GOLGA5: variants seen among roughly 807,000 people sequenced by gnomAD.
GOLGA5 encodes the protein golgin A5, also known as golgin subfamily A member 5.
A neutral mutation model predicts 93.5 loss-of-function variants in GOLGA5; 50 were observed. The observed-to-expected ratio is 0.53, with a 90% CI of 0.43 to 0.68. GOLGA5 has a LOEUF of 0.68. Ranked by LOEUF, GOLGA5 falls within the 30% of genes least tolerant of loss-of-function variation. GOLGA5 has a pLI of 0.00. For missense variants in GOLGA5, 760 were observed against 856.4 expected, an observed-to-expected ratio of 0.89 and a Z score of 1.40; for synonymous variants, 312 against 304.5, an observed-to-expected ratio of 1.02 and a Z score of -0.26.
rs1566953937 is a variant in GOLGA5, at chr14:92,806,717, CG to C, written c.545-18del. The C allele has an allele frequency of 1.3e-6, 2 of 1,543,416 alleles. No individual in the cohort carries two copies. Among genetic ancestry groups the C allele is most frequent in the East Asian group, 4.5e-5 (2 of 44,546 alleles). On this transcript the variant is annotated intron_variant, in intron 2 of 12. Transcript: ENST00000163416. ...GATGAACACGCCAATGTAACAAAAA[CG>C]TATTCTTTTTTTTACAGAAGCTGCC...
In GOLGA5 at chr14:92,837,439, T is replaced by TTA; in HGVS notation, c.2113_2114dup (p.Met705IlefsTer10). 7.1e-7 allele frequency: 1 copy of TTA among 1,413,006 alleles called. No individual in the cohort carries two copies. 87.5% of individuals were successfully genotyped at this position (1,413,006 alleles called of 1,614,324 possible). A position where few individuals can be genotyped will look rare whatever the true frequency, so the allele number is the denominator to read the frequency against. On this transcript the variant is annotated frameshift_variant, in exon 12 of 13. Transcript: ENST00000163416. LOFTEE classifies it high-confidence loss of function. ...TACCCCATAGCGCGAGTTTTTGTAA[T>TTA]TATATATATGGTAAGTAAATTTATT...
chr14:92,830,390 T>C (rs748782504), intron 9 of GOLGA5, among the ~76,000 whole-genome samples: 28 of 124,402 alleles, frequency 2.3e-4, no homozygotes, highest in Non-Finnish European at 3.2e-4. Flanking sequence ...CATTATGAGA[T>C]TTTTTTTGTG....
chr14:92,830,296 C>T (rs975988387), intron 9 of GOLGA5, among the ~76,000 whole-genome samples: 6 of 152,024 alleles, frequency 3.9e-5, no homozygotes, highest in African/African-American at 7.2e-5. Flanking sequence ...CCAGTCTGGG[C>T]GGCAGAGCAA....
chr14:92,797,630 T>C lies in GOLGA5; in HGVS notation c.193T>C (p.Ser65Pro), dbSNP rs1330110488. Residue 65 changes from serine to proline, a missense_variant, in exon 2 of 13, where the codon TCA (serine) becomes CCA (proline). Ser to Pro is a moderately conservative substitution (Grantham distance 74, BLOSUM62 -1). Coordinates refer to ENST00000163416, the MANE Select transcript of GOLGA5 (RefSeq NM_005113.4). ...QTGPKSTYIS[S>P]AADNIRNQKA... ...TGGACCTAAATCTACGTATATTTCA[T>C]CAGCAGCTGATAACATTCGAAATCA... is the stretch of plus-strand genomic sequence containing the variant. 1 of 1,613,112 alleles carries C rather than the reference T, an allele frequency of 6.2e-7. No homozygotes were observed. Among genetic ancestry groups the C allele is most frequent in the African/African-American group, 1.3e-5 (1 of 74,894 alleles).
At chr14:92,834,219 T>C (rs1885591436) in intron 10 of GOLGA5, among the ~76,000 whole-genome samples, 1 of 150,634 alleles carries the variant, frequency 6.6e-6, no homozygotes, top group Admixed American at 6.6e-5. Flanking sequence ...ATTATTATTA[T>C]ACTTTAAGTT....
At chr14:92,839,088 ACT>A (rs1462071203) in intron 12 of GOLGA5, among the ~76,000 whole-genome samples, 1 of 152,098 alleles carries the variant, frequency 6.6e-6, no homozygotes, top group Non-Finnish European at 1.5e-5. Flanking sequence ...AGTTTTAATC[ACT>A]CTGCATTATA....
chr14:92,811,446 G>T, intron 5 of GOLGA5, 105 bp from the exon 6 acceptor site: 1 of 802,876 alleles, frequency 1.2e-6, no homozygotes, highest in Admixed American at 2.2e-5. Context: ...CTACTATGTT[G>T]TTTGGCTGAG....
chr14:92,814,058 A>G (rs1885154671), intron 6 of GOLGA5, among the ~76,000 whole-genome samples: 2 of 152,098 alleles, frequency 1.3e-5, no homozygotes, highest in Admixed American at 6.6e-5. Flanking sequence ...GGGTTAAAGG[A>G]GAGTATGACG....
intron 8 of GOLGA5, among the ~76,000 whole-genome samples, chr14:92,822,272 G>A (rs978888122): frequency 3.5e-4 from 53 of 152,264 alleles, no homozygotes; most frequent in African/African-American, 1.3e-3. Flanking sequence ...GTTTAACAGA[G>A]TCTCTAGCAG....
intron 6 of GOLGA5, among the ~76,000 whole-genome samples, chr14:92,814,735 C>T (rs1043605558): frequency 1.2e-4 from 18 of 151,914 alleles, no homozygotes; most frequent in African/African-American, 3.9e-4. Flanking sequence ...TTTAATTTAA[C>T]GTGAAAGCTG....
At chr14:92,839,043 A>G (rs1419888624) in intron 12 of GOLGA5, among the ~76,000 whole-genome samples, 2 of 152,220 alleles carry the variant, frequency 1.3e-5, no homozygotes, top group African/African-American at 4.8e-5. Context: ...AACTGTTCTA[A>G]AAGTGTTTTC....
intron 10 of GOLGA5, among the ~76,000 whole-genome samples, chr14:92,834,092 A>G (rs1347090639): frequency 6.6e-6 from 1 of 151,714 alleles, no homozygotes; most frequent in Non-Finnish European, 1.5e-5. Flanking sequence ...TTAATGGCAT[A>G]AATAAAAAGT....
In GOLGA5 at chr14:92,835,644, T is replaced by C; in HGVS notation, c.2031T>C (p.Ala677=). 2 of 1,609,148 alleles carry C rather than the reference T, an allele frequency of 1.2e-6. No individual in the cohort carries two copies. The highest frequency in any genetic ancestry group is 3.3e-4 in the Middle Eastern group (2 of 6,050). The change falls in exon 11 of 13, where the codon GCT becomes GCC. Residue 677 remains alanine, a synonymous_variant. Transcript: ENST00000163416. ...AGMYGKVRKA[A]SSIDQFSIRL... Reference sequence around the variant, plus strand: ...TGTACGGAAAAGTTCGCAAAGCTGCTAGTTCAATTGATCAGTTTAGGTAAG... The same window carrying C: ...TGTACGGAAAAGTTCGCAAAGCTGCCAGTTCAATTGATCAGTTTAGGTAAG...
intron 11 of GOLGA5, among the ~76,000 whole-genome samples, chr14:92,836,786 G>A (rs538964396): frequency 7.2e-5 from 11 of 152,204 alleles, no homozygotes; most frequent in African/African-American, 9.6e-5. Flanking sequence ...GATTTAGGCC[G>A]GGCACGGTGG....
chr14:92,801,096 C>G (rs1388818430), intron 2 of GOLGA5, among the ~76,000 whole-genome samples: 1 of 152,218 alleles, frequency 6.6e-6, no homozygotes, highest in Non-Finnish European at 1.5e-5. Context: ...AATGTCTCCA[C>G]AAATTGCCAA....
chr14:92,805,364 C>T (rs534011591), intron 2 of GOLGA5, among the ~76,000 whole-genome samples: 13 of 152,196 alleles, frequency 8.5e-5, no homozygotes, highest in East Asian at 5.8e-4. Context: ...CTCTATTATA[C>T]GGCTGTACCA....
rs1052875058 is a variant in GOLGA5 at position 92,797,474 on chromosome 14, G to T, written c.37G>T (p.Asp13Tyr). Residue 13 changes from aspartate (D) to tyrosine (Y), a missense_variant, in exon 2 of 13, where the codon GAT (aspartate) becomes TAT (tyrosine). Coordinates refer to ENST00000163416, the MANE Select transcript of GOLGA5 (RefSeq NM_005113.4). Reference protein sequence around the residue: ...WFVDLAGKAEDLLNRVDQGAA... With the variant: ...WFVDLAGKAEYLLNRVDQGAA... ...TGTTGATCTTGCTGGAAAGGCAGAA[G>T]ATCTTTTAAACCGAGTTGATCAAGG... is the stretch of plus-strand genomic sequence containing the variant. 1.2e-6 allele frequency: 2 copies of T among 1,611,178 alleles called. No individual in the cohort carries two copies. The highest frequency in any genetic ancestry group is 1.3e-5 in the African/African-American group (1 of 74,806).
chr14:92,824,785 G>A, intron 9 of GOLGA5, 141 bp downstream of exon 9: 1 of 587,888 alleles, frequency 1.7e-6, no homozygotes, highest in Non-Finnish European at 3.1e-6. Context: ...TTTCAACCTG[G>A]TATAGAAAAT....
rs1404387263 is a variant in GOLGA5, at chr14:92,837,367, C to G, written c.2052-19C>G. ...TGACTCTTCTCTCTCCTCTCCCCCT[C>G]ACACCTGTGTCTGCACAGTATTCGC... On this transcript the variant is annotated intron_variant, in intron 11 of 12. Transcript: ENST00000163416. 7.3e-6 allele frequency: 10 copies of G among 1,366,876 alleles called. No individual in the cohort carries two copies. Among genetic ancestry groups the G allele is most frequent in the Non-Finnish European group, 1.0e-5 (10 of 964,724 alleles). The allele number at this position is 1,366,876 out of a possible 1,614,324, so 84.7% of individuals were successfully genotyped here.
Sources: allele counts gnomAD v4.1 joint callset (sites outside exome capture counted in the v4.1 genomes callset), GRCh38; gene constraint gnomAD v4.1.1; transcripts MANE v1.5; gene names NCBI Gene and HGNC (gene_info 2026-07-23, HGNC 2026-07-21).